Variants in CNTNAP2 observed in about 807,000 individuals in gnomAD.
CNTNAP2 encodes contactin-associated protein-like 2.
A neutral mutation model predicts 155.2 loss-of-function variants in CNTNAP2; 98 were observed. The observed-to-expected ratio is 0.63, with a 90% CI of 0.54 to 0.75. CNTNAP2 has a LOEUF of 0.75. CNTNAP2 is among the 30% of genes least tolerant of loss of function. CNTNAP2 has a pLI of 0.00. For missense variants in CNTNAP2, 1,727 were observed against 1,688.1 expected (o/e 1.02, Z -0.40); for synonymous variants, 651 against 631.2 (o/e 1.03, Z -0.47).
intron 11 of CNTNAP2, 94 bp downstream of exon 11, chr7:147,486,135 CA>C: frequency 1.1e-6 from 1 of 924,726 alleles, no homozygotes; most frequent in Non-Finnish European, 1.7e-6. Flanking sequence ...GAATAATCCA[CA>C]TAATACATCA....
intron 1 of CNTNAP2, among the ~76,000 whole-genome samples, chr7:146,220,407 G>A (rs1318217944): frequency 6.6e-6 from 1 of 152,086 alleles, no homozygotes; most frequent in Non-Finnish European, 1.5e-5. Flanking sequence ...CAGTATGATA[G>A]TTGCAGGAAG....
intron 13 of CNTNAP2, among the ~76,000 whole-genome samples, chr7:147,694,286 T>C (rs1331313123): frequency 6.6e-6 from 1 of 152,112 alleles, no homozygotes; most frequent in African/African-American, 2.4e-5. Context: ...TTTACATCTA[T>C]ATTCATGAGA....
intron 1 of CNTNAP2, among the ~76,000 whole-genome samples, chr7:146,512,500 T>G (rs1797481914): frequency 6.6e-6 from 1 of 151,324 alleles, no homozygotes; most frequent in Non-Finnish European, 1.5e-5. Context: ...CATTTTCTCT[T>G]GTTTCTTTTT....
chr7:147,912,954 A>G (rs1404232808), intron 14 of CNTNAP2, among the ~76,000 whole-genome samples: 1 of 152,148 alleles, frequency 6.6e-6, no homozygotes, highest in Non-Finnish European at 1.5e-5. Context: ...TGTTGAGTGC[A>G]TTTCTCCAAG....
At chr7:146,618,458 T>C (rs1391674336) in intron 1 of CNTNAP2, among the ~76,000 whole-genome samples, 1 of 152,172 alleles carries the variant, frequency 6.6e-6, no homozygotes, top group African/African-American at 2.4e-5. Context: ...CCTATCTGTA[T>C]TACACTACAA....
In CNTNAP2 at chr7:146,222,816, C is replaced by T. The variant is rs191161718; in HGVS notation, c.97+105843C>T. On this transcript the variant is annotated intron_variant, in intron 1 of 23. Coordinates refer to ENST00000361727, the MANE Select transcript of CNTNAP2 (RefSeq NM_014141.6). ...GACTACAGGCGCCCGCCACCACGCC[C>T]AGCTAATTTTTTTATATTTTTTTTA... Among the ~76,000 whole-genome samples the T allele has an allele frequency of 5.2e-3, 795 of 151,784 alleles. 6 individuals are homozygous for T. The highest frequency in any genetic ancestry group is 0.018 in the African/African-American group (749 of 41,380).
intron 15 of CNTNAP2, among the ~76,000 whole-genome samples, chr7:148,036,372 G>A (rs1802573922): frequency 2.0e-5 from 3 of 152,128 alleles, no homozygotes; most frequent in African/African-American, 7.2e-5. Flanking sequence ...CCCAGTGGGA[G>A]GTGTTTGGAT....
At chr7:147,403,373 G>T (rs1044615247) in intron 10 of CNTNAP2, among the ~76,000 whole-genome samples, 1 of 152,150 alleles carries the variant, frequency 6.6e-6, no homozygotes, top group Non-Finnish European at 1.5e-5. Context: ...CATGTCCTCA[G>T]ATCTTCCTGA....
intron 1 of CNTNAP2, among the ~76,000 whole-genome samples, chr7:146,315,511 G>C (rs770683356): frequency 2.0e-5 from 3 of 152,130 alleles, no homozygotes; most frequent in Non-Finnish European, 2.9e-5. Flanking sequence ...CAGGTGTGTA[G>C]GAGTCTTTGA....
At chr7:147,368,817 C>G (rs531236180) in intron 9 of CNTNAP2, among the ~76,000 whole-genome samples, 2 of 152,320 alleles carry the variant, frequency 1.3e-5, no homozygotes, top group Admixed American at 1.3e-4. Flanking sequence ...GTTGGTATTT[C>G]TCACAACTCA....
At chr7:147,111,906 G>A (rs990318901) in intron 5 of CNTNAP2, among the ~76,000 whole-genome samples, 1 of 152,116 alleles carries the variant, frequency 6.6e-6, no homozygotes, top group Admixed American at 6.6e-5. Flanking sequence ...CTGAAGAATG[G>A]TCAATGGTAG....
At chr7:147,380,746 A>G (rs76237878) in intron 9 of CNTNAP2, among the ~76,000 whole-genome samples, 3,085 of 152,278 alleles carry the variant, frequency 0.02, 107 homozygotes, top group African/African-American at 0.069. Context: ...ATAGTCATAT[A>G]TAGAAGCATT....
chr7:146,292,591 T>C (rs1426782431), intron 1 of CNTNAP2, among the ~76,000 whole-genome samples: 4 of 152,036 alleles, frequency 2.6e-5, no homozygotes, highest in African/African-American at 7.3e-5. Context: ...ATATTAAAAA[T>C]AGAACTGCCA....
chr7:146,917,571 T>A (rs946889631), intron 3 of CNTNAP2, among the ~76,000 whole-genome samples: 2 of 152,136 alleles, frequency 1.3e-5, no homozygotes, highest in African/African-American at 2.4e-5. Flanking sequence ...TCCTTCTTTG[T>A]CTTTTGATAT....
intron 14 of CNTNAP2, among the ~76,000 whole-genome samples, chr7:147,905,977 C>A (rs76812148): frequency 0.054 from 8,203 of 151,422 alleles, 308 homozygotes; most frequent in Admixed American, 0.12. Flanking sequence ...GAATCCATAA[C>A]GTCTTGGAGG....
intron 10 of CNTNAP2, among the ~76,000 whole-genome samples, chr7:147,459,637 A>G (rs1449877629): frequency 6.6e-6 from 1 of 152,170 alleles, no homozygotes; most frequent in Admixed American, 6.5e-5. Flanking sequence ...GCTTGAATAT[A>G]GAGGAAATGG....
chr7:147,866,878 C>G (rs1435188776), intron 13 of CNTNAP2, among the ~76,000 whole-genome samples: 1 of 152,100 alleles, frequency 6.6e-6, no homozygotes, highest in East Asian at 1.9e-4. Flanking sequence ...ATACAGCACG[C>G]TGATAGGTCT....
intron 21 of CNTNAP2, among the ~76,000 whole-genome samples, chr7:148,374,012 T>C (rs966808413): frequency 6.6e-6 from 1 of 152,202 alleles, no homozygotes; most frequent in Non-Finnish European, 1.5e-5. Context: ...TTTCTTGTGT[T>C]AATTATGTGA....
chr7:148,310,747 G>A (rs1226659435), intron 21 of CNTNAP2, among the ~76,000 whole-genome samples: 1 of 152,154 alleles, frequency 6.6e-6, no homozygotes, highest in Non-Finnish European at 1.5e-5. Context: ...GAGATGCAAA[G>A]TAAAGAGAAG....
Sources: allele counts gnomAD v4.1 joint callset (sites outside exome capture counted in the v4.1 genomes callset), GRCh38; gene constraint gnomAD v4.1.1; transcripts MANE v1.5; gene names NCBI Gene and HGNC (gene_info 2026-07-23, HGNC 2026-07-21).